HELB: variants seen among roughly 807,000 people sequenced by gnomAD.
HELB encodes DNA 5'-3' helicase B.
HELB carries 96 observed loss-of-function variants against 101.7 expected under a neutral mutation model. That is an observed-to-expected ratio of 0.94 (90% CI 0.80 to 1.12). The LOEUF is 1.12. Ranked by LOEUF, HELB falls within the 50% of genes most tolerant of loss-of-function variation. HELB has a pLI of 0.00. For synonymous variants in HELB, 437 were observed against 459.7 expected, an observed-to-expected ratio of 0.95 and a Z score of 0.63; for missense variants, 1,210 against 1,291.9, an observed-to-expected ratio of 0.94 and a Z score of 0.97.
At chr12:66,327,342 T>C (rs2053753825) in intron 11 of HELB, among the ~76,000 whole-genome samples, 1 of 152,138 alleles carries the variant, frequency 6.6e-6, no homozygotes, top group African/African-American at 2.4e-5. Context: ...TTTTCTCAGT[T>C]TCCTCTGTTC....
chr12:66,309,979 G>A lies in HELB; in HGVS notation c.1051G>A (p.Val351Ile), dbSNP rs921438792. 3 of 1,614,180 alleles carry A rather than the reference G, an allele frequency of 1.9e-6. No individual in the cohort carries two copies. The highest frequency in any genetic ancestry group is 4.5e-5 in the East Asian group (2 of 44,884). ...TGTGGTGACATATGAGAAGTCCTGT[G>A]TCTTCCCTTATGACCTTTACCATGC... ...IGVVTYEKSC[V>I]FPYDLYHAER... Residue 351 changes from valine to isoleucine, a missense_variant, in exon 4 of 13, where the codon GTC becomes ATC. Val to Ile is a conservative substitution (Grantham distance 29). Coordinates refer to ENST00000247815, the MANE Select transcript of HELB (RefSeq NM_001370285.1).
At chr12:66,312,164 G>A (rs759465933) in intron 4 of HELB, among the ~76,000 whole-genome samples, 4 of 151,934 alleles carry the variant, frequency 2.6e-5, no homozygotes, top group African/African-American at 7.2e-5. Context: ...TTACAGAAAC[G>A]CCAGTTGAAG....
intron 11 of HELB, among the ~76,000 whole-genome samples, chr12:66,328,762 TGTA>T (rs548174118): frequency 2.6e-5 from 4 of 152,216 alleles, no homozygotes; most frequent in Non-Finnish European, 4.4e-5. Context: ...ATTTCAAAGA[TGTA>T]GTCTTTTATT....
chr12:66,338,708 T>C (rs1168291), downstream of HELB: 72,275 of 151,980 alleles, frequency 0.48, 17,587 homozygotes, highest in East Asian at 0.58. Flanking sequence ...AAACATTGTA[T>C]TTTTAGGATA....
At chr12:66,336,509 G>T (rs986397641) in intron 12 of HELB, among the ~76,000 whole-genome samples, 2 of 152,194 alleles carry the variant, frequency 1.3e-5, no homozygotes, top group African/African-American at 4.8e-5. Flanking sequence ...AGCTTCCAAG[G>T]CTGTAATAAA....
At chr12:66,324,284 CA>C in intron 10 of HELB, 73 bp downstream of exon 10, 1 of 1,020,598 alleles carries the variant, frequency 9.8e-7, no homozygotes, top group South Asian at 1.4e-5. Flanking sequence ...TCCTAGGATT[CA>C]TTCAGAATCT....
rs770353947 is a variant in HELB at position 66,324,953 on chromosome 12, AT to A, written c.2527-29del. The stretch of plus-strand genomic sequence containing the variant: ...TTGAACGTAGAACATATTTGAAGGT[AT>A]GCAAAATAGTTCTTTGGTTTGGTGA... On this transcript the variant is annotated intron_variant, in intron 10 of 12. Coordinates refer to ENST00000247815, the MANE Select transcript of HELB (RefSeq NM_001370285.1). The A allele has an allele frequency of 1.9e-6, 3 of 1,610,428 alleles. No individual in the cohort carries two copies. In the African/African-American group the frequency reaches 4.0e-5, roughly 22 times the overall value.
At chr12:66,320,529 G>T (rs887898260) in intron 7 of HELB, among the ~76,000 whole-genome samples, 1 of 152,012 alleles carries the variant, frequency 6.6e-6, no homozygotes, top group Non-Finnish European at 1.5e-5. Context: ...CTCTTTCTTT[G>T]CCACTTCACT....
In HELB at chr12:66,302,551, C is replaced by A; in HGVS notation, c.-53C>A. 6.5e-7 allele frequency: 1 copy of A among 1,544,366 alleles called. No individual in the cohort carries two copies. Among genetic ancestry groups the A allele is most frequent in the South Asian group, 1.1e-5 (1 of 87,852 alleles). ...GTAGAACTGATTGGCTGATCATGAC[C>A]ATGCAGTTAGCCAGGGTTTTCCCGA... On this transcript the variant is annotated 5_prime_UTR_variant, in exon 1 of 13. Coordinates refer to ENST00000247815, the MANE Select transcript of HELB (RefSeq NM_001370285.1).
chr12:66,334,258 T>G (rs970362410), intron 12 of HELB, among the ~76,000 whole-genome samples: 1 of 151,758 alleles, frequency 6.6e-6, no homozygotes, highest in Non-Finnish European at 1.5e-5. Flanking sequence ...CCCAGGAGTT[T>G]GAGACTAACC....
At chr12:66,331,010 AAC>A in intron 11 of HELB, 142 bp from the exon 12 acceptor site, 1 of 881,286 alleles carries the variant, frequency 1.1e-6, no homozygotes, top group South Asian at 1.7e-5. Context: ...ATAAAAATGG[AAC>A]CCATAAAATG....
rs79387877 is a variant in HELB, at chr12:66,322,837, G to C, written c.2297+54G>C. On this transcript the variant is annotated intron_variant, in intron 9 of 12. Coordinates refer to ENST00000247815, the MANE Select transcript of HELB (RefSeq NM_001370285.1). ...AAGGACAGTCCTTCTTCGATTTGCT[G>C]GTTTTTTTTTTTGCTTTGATGTTTG... The C allele has an allele frequency of 2.4e-6, 3 of 1,247,540 alleles. No homozygotes were observed. In the East Asian group the frequency reaches 7.3e-5, roughly 30 times the overall value. The allele number at this position is 1,247,540 out of a possible 1,614,324, so 77.3% of individuals were successfully genotyped here. A position where few individuals can be genotyped will look rare whatever the true frequency, so the allele number is the denominator to read the frequency against.
At chr12:66,334,157 C>G (rs570802584) in intron 12 of HELB, among the ~76,000 whole-genome samples, 1 of 151,332 alleles carries the variant, frequency 6.6e-6, no homozygotes, top group Non-Finnish European at 1.5e-5. Context: ...AAGAGCCTGT[C>G]TCAAAAACAA....
At chr12:66,341,566 T>G (rs1261768968), downstream of HELB, 1 of 152,228 alleles carries the variant, frequency 6.6e-6, no homozygotes, top group Non-Finnish European at 1.5e-5. Context: ...TTAAGTCCAT[T>G]ATCAGAAACA....
chr12:66,305,049 T>C lies in HELB; in HGVS notation c.506T>C (p.Phe169Ser), dbSNP rs757218932. 1 of 1,612,882 alleles carries C rather than the reference T, an allele frequency of 6.2e-7. No individual in the cohort carries two copies. The highest frequency in any genetic ancestry group is 1.1e-5 in the South Asian group (1 of 90,850). The change falls in exon 2 of 13, where the codon TTC becomes TCC. Residue 169 changes from phenylalanine to serine, a missense_variant. Physicochemically the swap from Phe to Ser is radical, Grantham distance 155. Around this residue, in one of 2 missense-constraint regions of HELB, gnomAD observed 470 missense variants for 563.1 expected, o/e 0.83. Coordinates refer to ENST00000247815, the MANE Select transcript of HELB (RefSeq NM_001370285.1). ...AATCTTAGGGAAACACTAAGAACTT[T>C]CCACAAGGAAACTGGAAGGAAAGAT... is the stretch of plus-strand genomic sequence containing the variant. ...FENLRETLRT[F>S]HKETGRKDQK...
At chr12:66,324,244 T>A in intron 10 of HELB, 33 bp downstream of exon 10, 1 of 1,313,246 alleles carries the variant, frequency 7.6e-7, no homozygotes, top group Non-Finnish European at 1.1e-6. Flanking sequence ...ATCTTTTAAC[T>A]AATTAGAGAT....
downstream of HELB, chr12:66,338,974 C>T: frequency 6.6e-6 from 1 of 152,128 alleles, no homozygotes. Flanking sequence ...AAGGTTTTTT[C>T]TCTCTCAGAA....
Position 66,331,659 on chromosome 12 carries a change from T to G in HELB, c.3162+14T>G, listed in dbSNP as rs769772768. 2 of 1,576,984 alleles carry G rather than the reference T, an allele frequency of 1.3e-6. No homozygotes were observed. Among genetic ancestry groups the G allele is most frequent in the Non-Finnish European group, 8.6e-7 (1 of 1,168,328 alleles). On this transcript the variant is annotated intron_variant, in intron 12 of 12. Coordinates refer to ENST00000247815, the MANE Select transcript of HELB (RefSeq NM_001370285.1). ...AAAATTTTTATGGTAGGAGTGATGT[T>G]TCCATGTTCCCAAGTTTTATTTAAA...
At chr12:66,303,899 G>C (rs149028994) in intron 1 of HELB, among the ~76,000 whole-genome samples, 1 of 152,358 alleles carries the variant, frequency 6.6e-6, no homozygotes, top group African/African-American at 2.4e-5. Flanking sequence ...TATCTGCACT[G>C]TCTGGTATAA....
Sources: allele counts gnomAD v4.1 joint callset (sites outside exome capture counted in the v4.1 genomes callset), GRCh38; gene constraint gnomAD v4.1.1; regional missense constraint gnomAD v4.1.1; transcripts MANE v1.5; gene names NCBI Gene and HGNC (gene_info 2026-07-23, HGNC 2026-07-21).